TAOK1: variants seen among roughly 807,000 people sequenced by gnomAD.
TAOK1 encodes the protein TAO kinase 1.
TAOK1 carries 21 observed loss-of-function variants against 138.3 expected under a neutral mutation model. The observed-to-expected ratio is 0.15, with a 90% CI of 0.11 to 0.22. The LOEUF is 0.22. Among genes scored for constraint, TAOK1 ranks in the 10% least tolerant of loss-of-function variants. The pLI is 1.00. For synonymous variants in TAOK1, 361 were observed against 398.4 expected (o/e 0.91, Z 1.12); for missense variants, 651 against 1,227.7 (o/e 0.53, Z 7.02).
intron 1 of TAOK1, among the ~76,000 whole-genome samples, chr17:29,423,320 C>T (rs1172542090): frequency 2.0e-5 from 3 of 150,678 alleles, no homozygotes; most frequent in Admixed American, 6.6e-5. Context: ...CCTGGGTTCA[C>T]GCCATTCTGC....
chr17:29,527,741 G>T (rs1380581072), intron 17 of TAOK1, among the ~76,000 whole-genome samples: 1 of 152,118 alleles, frequency 6.6e-6, no homozygotes, highest in Non-Finnish European at 1.5e-5. Flanking sequence ...TTCAACAATA[G>T]GTTCTGCCTC....
chr17:29,491,445 G>C (rs1015304908), intron 9 of TAOK1, among the ~76,000 whole-genome samples: 1 of 151,396 alleles, frequency 6.6e-6, no homozygotes, highest in South Asian at 2.1e-4. Flanking sequence ...TTAGCAAAAA[G>C]GAAAATAGAA....
chr17:29,476,272 G>T (rs2030938634), intron 4 of TAOK1, among the ~76,000 whole-genome samples: 1 of 152,112 alleles, frequency 6.6e-6, no homozygotes, highest in Non-Finnish European at 1.5e-5. Flanking sequence ...ACCAGGAATG[G>T]CCCCTTATTT....
At chr17:29,492,707 G>A (rs1037269546) in intron 10 of TAOK1, among the ~76,000 whole-genome samples, 8 of 152,088 alleles carry the variant, frequency 5.3e-5, no homozygotes, top group African/African-American at 1.4e-4. Flanking sequence ...CAGGAGAATC[G>A]CTTGAACCTG....
chr17:29,515,951 GTATTTATT>G (rs199960608), intron 15 of TAOK1, among the ~76,000 whole-genome samples: 2 of 151,910 alleles, frequency 1.3e-5, no homozygotes, highest in Admixed American at 6.6e-5. Flanking sequence ...TTTTATGTAT[GTATTTATT>G]TATTTATTTA....
chr17:29,448,138 C>T (rs887630171), intron 1 of TAOK1, among the ~76,000 whole-genome samples: 19 of 151,398 alleles, frequency 1.3e-4, no homozygotes, highest in Admixed American at 3.3e-4. Flanking sequence ...AGTTTCTTCA[C>T]ACTGGTTACA....
At chr17:29,392,686 G>T (rs1384435378) in intron 1 of TAOK1, among the ~76,000 whole-genome samples, 1 of 152,088 alleles carries the variant, frequency 6.6e-6, no homozygotes, top group Non-Finnish European at 1.5e-5. Context: ...ACTATTAATA[G>T]AATTAATTTT....
At position 29,533,003 on chromosome 17, in the gene TAOK1, C is replaced by CCTCCCG. The variant is rs750826716; in HGVS notation, c.2362-1115_2362-1114insCTCCCG. 1.4e-4 allele frequency among the ~76,000 whole-genome samples: 9 copies of CCTCCCG among 63,918 alleles called. 3 individuals carry two copies. The highest frequency in any genetic ancestry group is 7.1e-4 in the South Asian group (1 of 1,412). 41.9% of individuals were successfully genotyped at this position (63,918 alleles called of 152,430 possible). ...GGCAGGGGGCTGACCCCCCCACCTC[C>CCTCCCG]AACCGGGCGGGGGGCTGACCCCCAC... On this transcript the variant is annotated intron_variant, in intron 18 of 19. Transcript: ENST00000261716.
At chr17:29,445,424 A>G (rs1476166891) in intron 1 of TAOK1, 1 of 152,320 alleles carries the variant, frequency 6.6e-6, no homozygotes, top group African/African-American at 2.4e-5. Flanking sequence ...TCTAATCTTT[A>G]GAGGAAAGCT....
At chr17:29,424,207 C>T (rs529364934) in intron 1 of TAOK1, among the ~76,000 whole-genome samples, 6 of 151,822 alleles carry the variant, frequency 4.0e-5, no homozygotes, top group Admixed American at 2.6e-4. Context: ...GAGGCCGAGA[C>T]GGGCAGATCA....
At chr17:29,480,265 G>T (rs1002463692) in intron 6 of TAOK1, 103 bp from the exon 7 acceptor site, 10 of 752,478 alleles carry the variant, frequency 1.3e-5, no homozygotes, top group African/African-American at 1.1e-4. Context: ...TAATTATTTT[G>T]ATTTCTCTTT....
At chr17:29,498,244 G>T (rs148488922) in intron 11 of TAOK1, 74 bp from the exon 12 acceptor site, 1 of 1,495,316 alleles carries the variant, frequency 6.7e-7, no homozygotes, top group Non-Finnish European at 9.3e-7. Context: ...TATGCTAGGT[G>T]CTTATAGTCA....
chr17:29,542,392 T>C (rs1004953487), intron 19 of TAOK1, among the ~76,000 whole-genome samples, 169 bp from the exon 20 acceptor site: 3 of 152,198 alleles, frequency 2.0e-5, no homozygotes, highest in Admixed American at 6.5e-5. Flanking sequence ...ATAAAAACTT[T>C]AAAAATTTTT....
intron 7 of TAOK1, 112 bp from the exon 8 acceptor site, chr17:29,482,085 T>C (rs1156799772): frequency 7.0e-6 from 5 of 710,106 alleles, no homozygotes; most frequent in Non-Finnish European, 1.2e-5. Flanking sequence ...TATGTCCAGA[T>C]ATATTGGCTA....
Position 29,551,709 on chromosome 17 carries a change from G to A in TAOK1, c.*8687G>A, listed in dbSNP as rs2032498399. 6.6e-6 allele frequency: 1 copy of A among 152,540 alleles called. No individual in the cohort carries two copies. Among genetic ancestry groups the A allele is most frequent in the African/African-American group, 2.4e-5 (1 of 41,404 alleles). The allele number at this position is 152,540 out of a possible 1,614,324, so 9.4% of individuals were successfully genotyped here. ...TACAGTATATTGTCAGTATTCTTCT[G>A]GTTCAGCATACCTTATAGTTCATAT... On this transcript the variant is annotated 3_prime_UTR_variant, in exon 20 of 20. Transcript: ENST00000261716.
At chr17:29,431,897 C>G (rs1161031702) in intron 1 of TAOK1, among the ~76,000 whole-genome samples, 1 of 150,196 alleles carries the variant, frequency 6.7e-6, no homozygotes, top group East Asian at 2.0e-4. Context: ...ACCTCTGACT[C>G]CCGGGTTCAA....
intron 9 of TAOK1, among the ~76,000 whole-genome samples, chr17:29,490,250 C>T (rs2031271517): frequency 6.6e-6 from 1 of 151,960 alleles, no homozygotes; most frequent in Non-Finnish European, 1.5e-5. Context: ...ATTTGTTATT[C>T]AGTTTTATCT....
At chr17:29,484,116 G>A (rs938469804) in intron 8 of TAOK1, among the ~76,000 whole-genome samples, 2 of 152,250 alleles carry the variant, frequency 1.3e-5, no homozygotes, top group East Asian at 3.9e-4. Context: ...TGTAGTTTCC[G>A]TGAAATGGCT....
At chr17:29,415,856 G>C (rs1567712161) in intron 1 of TAOK1, among the ~76,000 whole-genome samples, 1 of 152,168 alleles carries the variant, frequency 6.6e-6, no homozygotes, top group Non-Finnish European at 1.5e-5. Flanking sequence ...ATTATGTACA[G>C]TTATAAACTG....
Sources: gnomAD v4.1 joint callset for allele counts (sites outside exome capture counted in the v4.1 genomes callset) on GRCh38, gnomAD v4.1.1 for gene constraint, MANE v1.5 for transcripts, NCBI Gene and HGNC (gene_info 2026-07-23, HGNC 2026-07-21) for gene names.